The following PLEKHG1 variants were observed in gnomAD, a reference collection of about 807,000 sequenced individuals.
PLEKHG1 encodes pleckstrin homology domain-containing family G member 1.
PLEKHG1 carries 44 observed loss-of-function variants against 100.8 expected under a neutral mutation model. The observed-to-expected ratio is 0.44, with a 90% CI of 0.34 to 0.56. The LOEUF (loss-of-function observed/expected upper bound fraction) is 0.56. Among genes scored for constraint, PLEKHG1 ranks in the 20% least tolerant of loss-of-function variants. PLEKHG1 has a pLI of 0.01. For missense variants in PLEKHG1, 1,545 were observed against 1,720.9 expected (o/e 0.90, Z 1.81); for synonymous variants, 640 against 662.5 (o/e 0.97, Z 0.52).
At chr6:150,780,800 A>G (rs543757124) in intron 3 of PLEKHG1, among the ~76,000 whole-genome samples, 2 of 152,236 alleles carry the variant, frequency 1.3e-5, no homozygotes, top group Non-Finnish European at 2.9e-5. Context: ...TCATTTGATG[A>G]ATCCAATTTT....
intron 1 of PLEKHG1, among the ~76,000 whole-genome samples, chr6:150,621,309 C>G (rs1777289702): frequency 6.6e-6 from 1 of 152,056 alleles, no homozygotes; most frequent in Non-Finnish European, 1.5e-5. Flanking sequence ...TGAATATCAG[C>G]TTCCCTTTTT....
chr6:150,685,350 C>A (rs1780082133), intron 3 of PLEKHG1, among the ~76,000 whole-genome samples: 1 of 152,144 alleles, frequency 6.6e-6, no homozygotes, highest in Non-Finnish European at 1.5e-5. Flanking sequence ...GTGGCTTTGC[C>A]CCTGAGCAGC....
chr6:150,632,157 A>G (rs1316143455), intron 1 of PLEKHG1, among the ~76,000 whole-genome samples: 1 of 152,238 alleles, frequency 6.6e-6, no homozygotes, highest in Non-Finnish European at 1.5e-5. Context: ...GAAAAAAGGA[A>G]AAGGTCAGAG....
intron 4 of PLEKHG1, among the ~76,000 whole-genome samples, chr6:150,787,364 C>G (rs1046338559): frequency 6.6e-6 from 1 of 152,170 alleles, no homozygotes; most frequent in Non-Finnish European, 1.5e-5. Context: ...TGATGGAATT[C>G]TGAAACCTAC....
exon 16 of PLEKHG1, chr6:150,840,118 G>T (rs1281873923): frequency 6.2e-7 from 1 of 1,614,122 alleles, no homozygotes; most frequent in Non-Finnish European, 8.5e-7. Context: ...TCCGCAGCTT[G>T]CTCTGTGCCT....
At position 150,768,629 on chromosome 6, in the gene PLEKHG1, A is replaced by T. The variant is rs757225771; in HGVS notation, c.412-9A>T. 2.9e-5 allele frequency: 44 copies of T among 1,524,950 alleles called. No homozygotes were observed. The highest frequency in any genetic ancestry group is 5.0e-5 in the Admixed American group (3 of 59,832). 94.5% of individuals were successfully genotyped at this position (1,524,950 alleles called of 1,614,324 possible). A position where few individuals can be genotyped will look rare whatever the true frequency, so the allele number is the denominator to read the frequency against. ...AGTGTTTAAGGCATCCTTCTCATTGATCTCACAGGATTACCTTGACTGCAT... is the reference window on the plus strand; with the variant it reads ...AGTGTTTAAGGCATCCTTCTCATTGTTCTCACAGGATTACCTTGACTGCAT... On this transcript the variant is annotated splice_polypyrimidine_tract_variant and intron_variant, in intron 2 of 15. Transcript: ENST00000358517.
intron 3 of PLEKHG1, among the ~76,000 whole-genome samples, chr6:150,706,950 T>C (rs1418432448): frequency 1.3e-5 from 2 of 150,082 alleles, no homozygotes; most frequent in East Asian, 2.0e-4. Flanking sequence ...ATTGGTCTTC[T>C]AGCATATGTT....
At chr6:150,753,785 TA>T (rs895477095) in intron 2 of PLEKHG1, among the ~76,000 whole-genome samples, 1 of 152,094 alleles carries the variant, frequency 6.6e-6, no homozygotes, top group Non-Finnish European at 1.5e-5. Context: ...GGTGGTGTTG[TA>T]AAAAAATGCT....
At chr6:150,662,818 G>C (rs576118573) in intron 3 of PLEKHG1, 5 of 152,144 alleles carry the variant, frequency 3.3e-5, no homozygotes, top group African/African-American at 4.8e-5. Flanking sequence ...CCTCTGAAAC[G>C]CAATGAACTG....
intron 3 of PLEKHG1, among the ~76,000 whole-genome samples, chr6:150,714,629 G>A (rs565069908): frequency 6.6e-6 from 1 of 152,282 alleles, no homozygotes; most frequent in East Asian, 1.9e-4. Context: ...ATTTAGTTCA[G>A]TAGGGGCTGA....
intron 2 of PLEKHG1, among the ~76,000 whole-genome samples, chr6:150,753,093 A>G (rs574698952): frequency 6.6e-6 from 1 of 152,334 alleles, no homozygotes; most frequent in Non-Finnish European, 1.5e-5. Flanking sequence ...AGCCTGGGCA[A>G]CAGAGCCAGA....
At chr6:150,721,501 A>G (rs1459909543) in intron 1 of PLEKHG1, among the ~76,000 whole-genome samples, 1 of 152,226 alleles carries the variant, frequency 6.6e-6, no homozygotes, top group Non-Finnish European at 1.5e-5. Flanking sequence ...TGAAATATCT[A>G]GAGAGCTGAT....
At position 150,782,829 on chromosome 6, in the gene PLEKHG1, C is replaced by T. The variant is rs1488606506; in HGVS notation, c.513-3561C>T. Among the ~76,000 whole-genome samples, 8 of 152,156 alleles carry T rather than the reference C, an allele frequency of 5.3e-5. No homozygotes were observed. The East Asian group carries it at 1.5e-3, about 29-fold the overall frequency. On this transcript the variant is annotated intron_variant, in intron 3 of 15. Transcript: ENST00000358517. ...CACCACACAATAAACTCCATCCCTGCGAAGAGTTCATGATTGACGTTGTGG... is the reference window on the plus strand; with the variant it reads ...CACCACACAATAAACTCCATCCCTGTGAAGAGTTCATGATTGACGTTGTGG...
intron 3 of PLEKHG1, among the ~76,000 whole-genome samples, chr6:150,665,665 ATAT>A (rs1293740898): frequency 6.6e-6 from 1 of 151,426 alleles, no homozygotes; most frequent in African/African-American, 2.4e-5. Context: ...AAAAATAAAA[ATAT>A]TAATATGAAG....
chr6:150,682,539 A>C (rs1367567917), intron 3 of PLEKHG1, among the ~76,000 whole-genome samples: 1 of 151,974 alleles, frequency 6.6e-6, no homozygotes, highest in East Asian at 1.9e-4. Flanking sequence ...ACCAAGCAGG[A>C]AGGCAGAGGG....
chr6:150,817,973 G>A (rs910007459), intron 10 of PLEKHG1, among the ~76,000 whole-genome samples: 5 of 152,020 alleles, frequency 3.3e-5, no homozygotes, highest in Admixed American at 3.3e-4. Flanking sequence ...TCTTAGCTCC[G>A]GTGCCTTGAT....
chr6:150,689,708 A>G (rs1346914223), intron 3 of PLEKHG1, among the ~76,000 whole-genome samples: 1 of 152,118 alleles, frequency 6.6e-6, no homozygotes. Flanking sequence ...GCAAAAGATT[A>G]GCCGTGCATG....
At chr6:150,628,575 C>CACACACACACACACACACACACACAT (rs754227842) in intron 1 of PLEKHG1, among the ~76,000 whole-genome samples, 2,758 of 137,250 alleles carry the variant, frequency 0.02, 178 homozygotes, top group Admixed American at 0.032. Context: ...CACACACACA[C>CACACACACACACACACACACACACAT]ACCCCGTCCT....
intron 2 of PLEKHG1, among the ~76,000 whole-genome samples, chr6:150,766,271 G>A (rs561501595): frequency 3.3e-5 from 5 of 152,158 alleles, no homozygotes; most frequent in Non-Finnish European, 7.3e-5. Context: ...GTTAACAGCA[G>A]GGTAACCATA....
Sources: allele counts gnomAD v4.1 joint callset (sites outside exome capture counted in the v4.1 genomes callset), GRCh38; gene constraint gnomAD v4.1.1; transcripts MANE v1.5; gene names NCBI Gene and HGNC (gene_info 2026-07-23, HGNC 2026-07-21).